Variants in CACNB4 observed in about 807,000 individuals in gnomAD.
The protein encoded by CACNB4 is calcium voltage-gated channel auxiliary subunit beta 4.
In CACNB4, 32 loss-of-function variants were observed where a neutral mutation model predicts 71.2. The observed-to-expected ratio is 0.45, with a 90% CI of 0.34 to 0.60. CACNB4 has a LOEUF of 0.60. CACNB4 is among the 20% of genes least tolerant of loss of function. The probability of loss-of-function intolerance (pLI) is 0.01; values close to 1 mark genes in which losing one functional copy is unlikely to be tolerated. For synonymous variants in CACNB4, 231 were observed against 236.9 expected (o/e 0.97, Z 0.23); for missense variants, 464 against 647.9 (o/e 0.72, Z 3.08).
intron 2 of CACNB4, among the ~76,000 whole-genome samples, chr2:152,030,032 TGAGTA>T (rs1684194949): frequency 6.6e-6 from 1 of 152,120 alleles, no homozygotes; most frequent in Non-Finnish European, 1.5e-5. Context: ...ACAGGTGCAC[TGAGTA>T]GAGAATGCTG....
intron 2 of CACNB4, chr2:151,970,720 T>A (rs1158246067): frequency 2.0e-5 from 3 of 152,250 alleles, no homozygotes; most frequent in Non-Finnish European, 4.4e-5. Flanking sequence ...GGAACCAGCC[T>A]GGGCTAGGTA....
chr2:151,957,255 G>GACGTGTATGTGTAT (rs1560067146), intron 2 of CACNB4, among the ~76,000 whole-genome samples: 2 of 24,942 alleles, frequency 8.0e-5, no homozygotes, highest in Admixed American at 5.6e-4. Context: ...AGAGTGGCTG[G>GACGTGTATGTGTAT]GCGTGTGTGT....
chr2:152,092,839 A>G (rs1238330836), intron 2 of CACNB4, among the ~76,000 whole-genome samples: 4 of 151,668 alleles, frequency 2.6e-5, no homozygotes, highest in Non-Finnish European at 5.9e-5. Flanking sequence ...ATATACATAT[A>G]TATATATAAT....
Position 151,860,608 on chromosome 2 carries a change from G to A in CACNB4, c.868+103C>T, listed in dbSNP as rs540596312. On this transcript the variant is annotated intron_variant, in intron 10 of 13. Coordinates refer to ENST00000539935, the MANE Select transcript of CACNB4 (RefSeq NM_000726.5). The stretch of plus-strand genomic sequence containing the variant: ...CTTTTTAGGTACTCAGTGCTCCCCC[G>A]TTCAGAATGGGGAACAAATTGAAAA... The A allele has an allele frequency of 1.6e-4, 134 of 819,206 alleles. No homozygotes were observed. The African/African-American group carries it at 1.9e-3, about 12-fold the overall frequency. 50.7% of individuals were successfully genotyped at this position (819,206 alleles called of 1,614,324 possible). A position where few individuals can be genotyped will look rare whatever the true frequency, so the allele number is the denominator to read the frequency against.
intron 2 of CACNB4, among the ~76,000 whole-genome samples, chr2:151,987,502 G>A (rs1438787753): frequency 1.3e-5 from 2 of 152,158 alleles, no homozygotes; most frequent in East Asian, 1.9e-4. Flanking sequence ...AATAAATCGG[G>A]ATGATGGATC....
At chr2:151,916,439 G>A (rs2099857552) in intron 2 of CACNB4, among the ~76,000 whole-genome samples, 1 of 151,488 alleles carries the variant, frequency 6.6e-6, no homozygotes, top group African/African-American at 2.4e-5. Context: ...GAAAGTGCTT[G>A]AGGCATAAAA....
intron 13 of CACNB4, among the ~76,000 whole-genome samples, chr2:151,839,908 A>G (rs2099835736): frequency 6.6e-6 from 1 of 152,216 alleles, no homozygotes; most frequent in Non-Finnish European, 1.5e-5. Flanking sequence ...TGCATCCTAC[A>G]TAAATGTAAT....
At chr2:151,964,069 G>GAAAAAAAAAAAAAAAAAAA (rs397825547) in intron 2 of CACNB4, among the ~76,000 whole-genome samples, 3 of 99,266 alleles carry the variant, frequency 3.0e-5, no homozygotes, top group African/African-American at 4.1e-5. Flanking sequence ...CTGTCTCACA[G>GAAAAAAAAAAAAAAAAAAA]AAAAAAAAAA....
Position 151,875,543 on chromosome 2 carries a change from G to A in CACNB4, c.521+883C>T, listed in dbSNP as rs1263466463. ...CAGACGGGGTGGTGGCCGGGCAGAGGGGCTCCTCACTTCCCAGTAGGGGCG... is the reference window on the plus strand; with the variant it reads ...CAGACGGGGTGGTGGCCGGGCAGAGAGGCTCCTCACTTCCCAGTAGGGGCG... On this transcript the variant is annotated intron_variant, in intron 5 of 13. Transcript: ENST00000539935. 3.3e-5 allele frequency among the ~76,000 whole-genome samples: 5 copies of A among 151,734 alleles called. 1 individual carries two copies. The highest frequency in any genetic ancestry group is 2.1e-4 in the South Asian group (1 of 4,808).
chr2:151,995,359 A>C (rs1448323473), intron 2 of CACNB4, among the ~76,000 whole-genome samples: 1 of 152,258 alleles, frequency 6.6e-6, no homozygotes, highest in South Asian at 2.1e-4. Flanking sequence ...TTTATGGCTC[A>C]CAGCCTTTCA....
At chr2:151,971,752 C>T in intron 2 of CACNB4, 1 of 629,200 alleles carries the variant, frequency 1.6e-6, no homozygotes, top group Non-Finnish European at 2.9e-6. Flanking sequence ...TCAGTTCACC[C>T]CTCCGAACAT....
chr2:151,921,578 C>T (rs2099859037), intron 2 of CACNB4, among the ~76,000 whole-genome samples: 1 of 152,210 alleles, frequency 6.6e-6, no homozygotes, highest in African/African-American at 2.4e-5. Flanking sequence ...AAGGGAGGAT[C>T]TGTTTCCTGG....
chr2:151,984,892 C>A (rs141463340), intron 2 of CACNB4, among the ~76,000 whole-genome samples: 3 of 152,188 alleles, frequency 2.0e-5, no homozygotes, highest in African/African-American at 7.2e-5. Flanking sequence ...TGCTTATGAT[C>A]CAGCTTCCTG....
intron 2 of CACNB4, among the ~76,000 whole-genome samples, chr2:151,908,584 T>C (rs2099855374): frequency 6.6e-6 from 1 of 152,168 alleles, no homozygotes. Context: ...GAAAGAGTTA[T>C]GAAAGTCATG....
chr2:152,079,737 G>T (rs1368371218), intron 2 of CACNB4, among the ~76,000 whole-genome samples: 1 of 152,174 alleles, frequency 6.6e-6, no homozygotes, highest in Admixed American at 6.5e-5. Context: ...AATGGGCGGT[G>T]ATGGCGCCAC....
intron 2 of CACNB4, among the ~76,000 whole-genome samples, chr2:151,980,506 G>T (rs1461937668): frequency 6.6e-6 from 1 of 152,162 alleles, no homozygotes; most frequent in Non-Finnish European, 1.5e-5. Context: ...TTTTAAATGT[G>T]AGTTCTGTGG....
At chr2:152,004,532 TACACACACACAC>T (rs5835400) in intron 2 of CACNB4, among the ~76,000 whole-genome samples, 114 of 149,418 alleles carry the variant, frequency 7.6e-4, no homozygotes, top group Middle Eastern at 3.5e-3. Context: ...TTTACATACA[TACACACACACAC>T]ACACACACAC....
At chr2:151,988,946 G>A (rs765626834) in intron 2 of CACNB4, among the ~76,000 whole-genome samples, 1 of 152,040 alleles carries the variant, frequency 6.6e-6, no homozygotes, top group African/African-American at 2.4e-5. Context: ...TTCACCAATC[G>A]CCTCAAGACT....
chr2:151,982,926 A>G (rs1646965994), intron 2 of CACNB4, among the ~76,000 whole-genome samples: 1 of 152,206 alleles, frequency 6.6e-6, no homozygotes, highest in South Asian at 2.1e-4. Flanking sequence ...ACATACAGAA[A>G]GTAAGAACTG....
Sources: allele counts gnomAD v4.1 joint callset (sites outside exome capture counted in the v4.1 genomes callset), GRCh38; gene constraint gnomAD v4.1.1; transcripts MANE v1.5; gene names NCBI Gene and HGNC (gene_info 2026-07-23, HGNC 2026-07-21).